Variants in PPFIA2 observed in about 807,000 individuals in gnomAD.
The protein encoded by PPFIA2 is PPFI scaffold protein A2.
PPFIA2 carries 46 observed loss-of-function variants against 175.5 expected under a neutral mutation model. The observed-to-expected ratio is 0.26, with a 90% CI of 0.21 to 0.34. PPFIA2 has a LOEUF of 0.34. Ranked by LOEUF, PPFIA2 falls within the 10% of genes least tolerant of loss-of-function variation. The probability of loss-of-function intolerance (pLI) is 1.00; values close to 1 mark genes in which losing one functional copy is unlikely to be tolerated. For synonymous variants in PPFIA2, 568 were observed against 511.4 expected, an observed-to-expected ratio of 1.11 and a Z score of -1.49; for missense variants, 1,179 against 1,506.1, an observed-to-expected ratio of 0.78 and a Z score of 3.60.
At chr12:81,507,034 G>A (rs1343829176) in intron 4 of PPFIA2, among the ~76,000 whole-genome samples, 1 of 152,146 alleles carries the variant, frequency 6.6e-6, no homozygotes, top group Non-Finnish European at 1.5e-5. Context: ...TGATAGTTAT[G>A]TACTATCTTA....
intron 23 of PPFIA2, among the ~76,000 whole-genome samples, chr12:81,297,639 A>C (rs952358764): frequency 6.6e-6 from 1 of 152,210 alleles, no homozygotes; most frequent in African/African-American, 2.4e-5. Flanking sequence ...AAACATCTAA[A>C]TATGTCTTCT....
At chr12:81,600,250 C>G (rs1019417473) in intron 4 of PPFIA2, among the ~76,000 whole-genome samples, 1 of 151,846 alleles carries the variant, frequency 6.6e-6, no homozygotes, top group Non-Finnish European at 1.5e-5. Context: ...ACAGTATAGA[C>G]TCATGTATAC....
chr12:81,699,630 A>C (rs774566598), intron 3 of PPFIA2, among the ~76,000 whole-genome samples: 5 of 151,934 alleles, frequency 3.3e-5, no homozygotes, highest in Non-Finnish European at 5.9e-5. Flanking sequence ...GAAAGAAAAA[A>C]CAAATTATTG....
At chr12:81,404,116 AT>A (rs2042513590) in intron 8 of PPFIA2, among the ~76,000 whole-genome samples, 1 of 152,124 alleles carries the variant, frequency 6.6e-6, no homozygotes, top group Non-Finnish European at 1.5e-5. Context: ...TGATGAAAAA[AT>A]ATTTGAAAAA....
At chr12:81,534,119 T>C (rs2065041788) in intron 4 of PPFIA2, among the ~76,000 whole-genome samples, 1 of 151,564 alleles carries the variant, frequency 6.6e-6, no homozygotes, top group African/African-American at 2.4e-5. Flanking sequence ...AAAATTTTCC[T>C]TTCATGGAGG....
chr12:81,688,427 C>T (rs1468490775), intron 3 of PPFIA2, among the ~76,000 whole-genome samples: 1 of 151,802 alleles, frequency 6.6e-6, no homozygotes, highest in Admixed American at 6.6e-5. Flanking sequence ...ATCGGAGGCT[C>T]AATTACTGTA....
At chr12:81,604,423 T>TG (rs1224276222) in intron 4 of PPFIA2, among the ~76,000 whole-genome samples, 1 of 151,198 alleles carries the variant, frequency 6.6e-6, no homozygotes, top group South Asian at 2.1e-4. Context: ...CATTCCTGTT[T>TG]GGAAAAAAAA....
At chr12:81,672,323 CTAAGACCATTTACAATTTAAAATATATA>C (rs1404701244) in intron 4 of PPFIA2, among the ~76,000 whole-genome samples, 2 of 151,868 alleles carry the variant, frequency 1.3e-5, no homozygotes, top group African/African-American at 2.4e-5. Context: ...TTTTTAAACT[CTAAGACCATTTACAATTTAAAATATATA>C]TAATTTGGTC....
chr12:81,546,863 G>A (rs576657752), intron 4 of PPFIA2, among the ~76,000 whole-genome samples: 1 of 152,186 alleles, frequency 6.6e-6, no homozygotes, highest in South Asian at 2.1e-4. Flanking sequence ...TTTATGGTAA[G>A]TCGCAGCAGT....
intron 7 of PPFIA2, among the ~76,000 whole-genome samples, chr12:81,407,088 C>A (rs2043068452): frequency 6.6e-6 from 1 of 152,176 alleles, no homozygotes; most frequent in Admixed American, 6.5e-5. Context: ...ATAATTGGCT[C>A]CCTCACGCTT....
At chr12:81,299,569 G>A (rs569946721) in intron 22 of PPFIA2, among the ~76,000 whole-genome samples, 187 bp from the exon 23 acceptor site, 1 of 152,164 alleles carries the variant, frequency 6.6e-6, no homozygotes, top group South Asian at 2.1e-4. Flanking sequence ...TATTACGAAT[G>A]AAGCATTGAC....
At chr12:81,560,323 A>T (rs1185736803) in intron 4 of PPFIA2, among the ~76,000 whole-genome samples, 1 of 152,000 alleles carries the variant, frequency 6.6e-6, no homozygotes, top group Non-Finnish European at 1.5e-5. Context: ...GGCAAAGGAG[A>T]GAAAGAACAA....
chr12:81,365,779 A>G (rs1439516260), intron 14 of PPFIA2, among the ~76,000 whole-genome samples: 2 of 151,878 alleles, frequency 1.3e-5, no homozygotes, highest in Non-Finnish European at 2.9e-5. Context: ...ATCAGATACT[A>G]TATTCTAGGC....
intron 4 of PPFIA2, among the ~76,000 whole-genome samples, chr12:81,506,969 A>G (rs2061241495): frequency 6.6e-6 from 1 of 152,214 alleles, no homozygotes; most frequent in Non-Finnish European, 1.5e-5. Flanking sequence ...AATAAGTCCT[A>G]ATGCTTTAAA....
chr12:81,456,227 T>C (rs971429638), intron 5 of PPFIA2, among the ~76,000 whole-genome samples: 1 of 152,054 alleles, frequency 6.6e-6, no homozygotes, highest in African/African-American at 2.4e-5. Context: ...GTTAAAAAAG[T>C]CAAGGGTAGG....
At chr12:81,542,990 A>C (rs2066440971) in intron 4 of PPFIA2, among the ~76,000 whole-genome samples, 1 of 152,174 alleles carries the variant, frequency 6.6e-6, no homozygotes, top group South Asian at 2.1e-4. Context: ...CAGCTCTTAA[A>C]ATTTCTTCCG....
chr12:81,390,785 A>G (rs1026405064), intron 8 of PPFIA2, among the ~76,000 whole-genome samples: 1 of 151,742 alleles, frequency 6.6e-6, no homozygotes, highest in Admixed American at 6.6e-5. Context: ...TTTAATTTTA[A>G]GAAGTTCCAG....
intron 4 of PPFIA2, among the ~76,000 whole-genome samples, chr12:81,649,041 A>G (rs934623481): frequency 3.9e-5 from 6 of 152,064 alleles, no homozygotes; most frequent in South Asian, 2.1e-4. Context: ...GCAGGACAAA[A>G]TCTTTGTCAC....
chr12:81,391,849 C>T (rs1308483907), intron 8 of PPFIA2, among the ~76,000 whole-genome samples: 1 of 151,832 alleles, frequency 6.6e-6, no homozygotes, highest in East Asian at 1.9e-4. Flanking sequence ...CAAAGTGACA[C>T]AAGTGGGTTT....
Sources: gnomAD v4.1 joint callset for allele counts (sites outside exome capture counted in the v4.1 genomes callset) on GRCh38, gnomAD v4.1.1 for gene constraint, MANE v1.5 for transcripts, NCBI Gene and HGNC (gene_info 2026-07-23, HGNC 2026-07-21) for gene names.